BLOC1S3: variants seen among roughly 807,000 people sequenced by gnomAD.
The protein encoded by BLOC1S3 is biogenesis of lysosomal organelles complex 1 subunit 3.
BLOC1S3 carries 7 observed loss-of-function variants against 9.1 expected under a neutral mutation model. The observed-to-expected ratio is 0.77, with a 90% CI of 0.44 to 1.45. The LOEUF is 1.45. Among genes scored for constraint, BLOC1S3 ranks in the 40% most tolerant of loss-of-function variants. The pLI is 0.01. For missense variants in BLOC1S3, 307 were observed against 315.2 expected (o/e 0.97, Z 0.20); for synonymous variants, 145 against 158.4 (o/e 0.92, Z 0.64).
intron 2 of BLOC1S3, among the ~76,000 whole-genome samples, chr19:45,194,261 T>C (rs60544325): frequency 0.056 from 8,505 of 151,302 alleles, 779 homozygotes; most frequent in African/African-American, 0.2. Flanking sequence ...TTTAGGCCTG[T>C]GCCACCATGT....
At chr19:45,184,825 G>C (rs368362254), downstream of BLOC1S3, among the ~76,000 whole-genome samples, 1 of 149,576 alleles carries the variant, frequency 6.7e-6, no homozygotes, top group Non-Finnish European at 1.5e-5. Flanking sequence ...GCGTGAACCC[G>C]GGAGGTGGAG....
downstream of BLOC1S3, among the ~76,000 whole-genome samples, chr19:45,183,305 C>T (rs1969540585): frequency 6.6e-6 from 1 of 151,942 alleles, no homozygotes; most frequent in African/African-American, 2.4e-5. Flanking sequence ...CGTGGTGAAA[C>T]CCTGTCTCTA....
At chr19:45,197,851 A>G (rs1331433674) in intron 2 of BLOC1S3, among the ~76,000 whole-genome samples, 1 of 139,492 alleles carries the variant, frequency 7.2e-6, no homozygotes, top group Non-Finnish European at 1.6e-5. Context: ...AAAAAAAAAG[A>G]TCTAGAAAGG....
intron 2 of BLOC1S3, among the ~76,000 whole-genome samples, chr19:45,195,891 A>G (rs1248865411): frequency 2.0e-5 from 3 of 152,168 alleles, no homozygotes; most frequent in African/African-American, 7.2e-5. Context: ...CACCGTGCCC[A>G]GCCTGCCTTT....
intron 3 of BLOC1S3, among the ~76,000 whole-genome samples, chr19:45,204,708 A>C (rs1484586694): frequency 1.3e-5 from 2 of 152,034 alleles, no homozygotes; most frequent in Non-Finnish European, 2.9e-5. Context: ...GCTTCTGCAT[A>C]GCATGGCAGT....
downstream of BLOC1S3, among the ~76,000 whole-genome samples, chr19:45,182,556 C>T (rs997181976): frequency 6.6e-5 from 10 of 151,986 alleles, no homozygotes; most frequent in East Asian, 1.9e-4. Context: ...CCCAGCTACT[C>T]GGGAGGCTGA....
rs1347838597 is a variant in BLOC1S3, at chr19:45,180,923, C to G, written c.*1018C>G. ...TATATTTTTAGTAGAGATGAGGTTT[C>G]ACCTTGTTGGCCAGGCTGGTCTCGA... On this transcript the variant is annotated 3_prime_UTR_variant, in exon 2 of 2. Transcript: ENST00000433642. 6.1e-6 allele frequency: 1 copy of G among 162,832 alleles called. No individual in the cohort carries two copies. The highest frequency in any genetic ancestry group is 6.5e-5 in the Admixed American group (1 of 15,274). The allele number at this position is 162,832 out of a possible 1,614,324, so 10.1% of individuals were successfully genotyped here.
In BLOC1S3 at chr19:45,216,019, G is replaced by A. The variant is rs1191037176; in HGVS notation, n.283-657G>A. On this transcript the variant is annotated intron_variant and non_coding_transcript_variant, in intron 3 of 3. Transcript: ENST00000591569. Reference sequence around the variant, plus strand: ...AAGCACAGGGACGGATGCCAAGGCCGCCAGGAGACCTCGGCCAGGCACGGC... The same window carrying A: ...AAGCACAGGGACGGATGCCAAGGCCACCAGGAGACCTCGGCCAGGCACGGC... The A allele has an allele frequency of 1.7e-5, 27 of 1,602,184 alleles. No homozygotes were observed. In the East Asian group the frequency reaches 1.8e-4, roughly 11 times the overall value.
chr19:45,179,464 G>A lies in BLOC1S3; in HGVS notation c.168G>A (p.Val56=). 1 of 1,524,944 alleles carries A rather than the reference G, an allele frequency of 6.6e-7. No homozygotes were observed. The highest frequency in any genetic ancestry group is 8.8e-7 in the Non-Finnish European group (1 of 1,142,216). 94.5% of individuals were successfully genotyped at this position (1,524,944 alleles called of 1,614,324 possible). A position where few individuals can be genotyped will look rare whatever the true frequency, so the allele number is the denominator to read the frequency against. ...PTRGRPTGLR[V]AGEAAETDSE... ...GCGGCCGCCCCACGGGGCTGCGGGTGGCTGGGGAAGCCGCGGAGACCGACT... is the reference window on the plus strand; with the variant it reads ...GCGGCCGCCCCACGGGGCTGCGGGTAGCTGGGGAAGCCGCGGAGACCGACT... Residue 56 remains valine, a synonymous_variant, in exon 2 of 2, where the codon GTG becomes GTA. Coordinates refer to ENST00000433642, the MANE Select transcript of BLOC1S3 (RefSeq NM_212550.5). The surrounding 1 kb of genome is among the most constrained non-coding windows in gnomAD (Gnocchi z 4.6).
chr19:45,201,471 C>T (rs1015069704), intron 2 of BLOC1S3, among the ~76,000 whole-genome samples: 3 of 152,148 alleles, frequency 2.0e-5, no homozygotes, highest in African/African-American at 7.2e-5. Context: ...GCAACCACTA[C>T]CTGGCTTCCA....
chr19:45,200,122 A>C (rs994905100), intron 2 of BLOC1S3, among the ~76,000 whole-genome samples: 2 of 151,890 alleles, frequency 1.3e-5, no homozygotes, highest in Non-Finnish European at 2.9e-5. Flanking sequence ...CAGGTTGATC[A>C]ATTCTACTGT....
intron 2 of BLOC1S3, among the ~76,000 whole-genome samples, chr19:45,193,585 G>GT: frequency 6.6e-6 from 1 of 151,716 alleles, no homozygotes; most frequent in Middle Eastern, 3.4e-3. Context: ...TTCTTTGTAT[G>GT]TTTTGTAGTA....
chr19:45,190,790 T>TTA (rs1969599278), intron 2 of BLOC1S3, among the ~76,000 whole-genome samples: 1 of 137,870 alleles, frequency 7.3e-6, no homozygotes, highest in Admixed American at 8.0e-5. Context: ...TTATTTTATT[T>TTA]TATTTTATTT....
At chr19:45,203,016 T>A (rs1205792083) in intron 3 of BLOC1S3, among the ~76,000 whole-genome samples, 4 of 151,872 alleles carry the variant, frequency 2.6e-5, no homozygotes, top group African/African-American at 9.7e-5. Flanking sequence ...TGAGCTGGTA[T>A]CCAAGTTGCA....
At chr19:45,190,157 T>A (rs1250975528) in intron 2 of BLOC1S3, among the ~76,000 whole-genome samples, 2 of 151,420 alleles carry the variant, frequency 1.3e-5, no homozygotes, top group African/African-American at 4.8e-5. Flanking sequence ...AGCCACTAAT[T>A]TTTTCTTCTG....
chr19:45,192,976 A>G (rs1452376708), intron 2 of BLOC1S3, among the ~76,000 whole-genome samples: 1 of 151,664 alleles, frequency 6.6e-6, no homozygotes, highest in Admixed American at 6.6e-5. Context: ...TCTACTAAAC[A>G]TACAAAATTA....
intron 3 of BLOC1S3, among the ~76,000 whole-genome samples, chr19:45,207,443 T>A (rs1969735549): frequency 1.3e-5 from 2 of 151,972 alleles, no homozygotes; most frequent in South Asian, 4.2e-4. Context: ...TGCCTTGTTT[T>A]TTTAATGGTC....
At position 45,179,302 on chromosome 19, in the gene BLOC1S3, G is replaced by T. The variant is rs746634818; in HGVS notation, c.6G>T (p.Ala2=). The T allele has an allele frequency of 1.9e-6, 3 of 1,579,334 alleles. No homozygotes were observed. The highest frequency in any genetic ancestry group is 2.6e-6 in the Non-Finnish European group (3 of 1,171,780). M[A]SQGRRRRPLR... ...TTCTCCCCTAGTTCGGTGCCATGGCGTCCCAGGGTCGTCGGCGGAGGCCCC... is the reference window on the plus strand; with the variant it reads ...TTCTCCCCTAGTTCGGTGCCATGGCTTCCCAGGGTCGTCGGCGGAGGCCCC... Residue 2 remains alanine (A), a synonymous_variant, in exon 2 of 2, where the codon GCG becomes GCT. Transcript: ENST00000433642. This position sits in a 1 kb window ranked among gnomAD's most constrained non-coding sequence, Gnocchi z 4.6.
chr19:45,205,667 T>C (rs1268311551), intron 3 of BLOC1S3, among the ~76,000 whole-genome samples: 1 of 152,170 alleles, frequency 6.6e-6, no homozygotes, highest in Admixed American at 6.6e-5. Flanking sequence ...TAAAAACTTC[T>C]GCTCTTCAAC....
Sources: allele counts gnomAD v4.1 joint callset (sites outside exome capture counted in the v4.1 genomes callset), GRCh38; gene constraint gnomAD v4.1.1; non-coding constraint Gnocchi (gnomAD v3.1); transcripts MANE v1.5; gene names NCBI Gene and HGNC (gene_info 2026-07-23, HGNC 2026-07-21).